MAF: variants seen among roughly 807,000 people sequenced by gnomAD.
The protein encoded by MAF is MAF bZIP transcription factor.
MAF carries 10 observed loss-of-function variants against 22.0 expected under a neutral mutation model. The observed-to-expected ratio is 0.45, with a 90% CI of 0.28 to 0.77. The LOEUF is 0.77. Among genes scored for constraint, MAF ranks in the 30% least tolerant of loss-of-function variants. The pLI, the probability that MAF is intolerant of heterozygous loss-of-function variation, is 0.12. For synonymous variants in MAF, 337 were observed against 255.8 expected, an observed-to-expected ratio of 1.32 and a Z score of -3.03; for missense variants, 544 against 548.4, an observed-to-expected ratio of 0.99 and a Z score of 0.08.
chr16:79,307,901 G>C, the MAF span, among the ~76,000 whole-genome samples: 1 of 152,170 alleles, frequency 6.6e-6, no homozygotes. Context: ...CCAGGAAGCA[G>C]TTCCTCTACA....
At chr16:79,577,338 G>C in the MAF span, among the ~76,000 whole-genome samples, 3 of 152,272 alleles carry the variant, frequency 2.0e-5, no homozygotes, top group East Asian at 5.8e-4. Context: ...AACTAAGGAG[G>C]AATGAGGGAA....
chr16:79,249,632 C>A, the MAF span, among the ~76,000 whole-genome samples: 7 of 152,100 alleles, frequency 4.6e-5, no homozygotes, highest in Non-Finnish European at 7.4e-5. Flanking sequence ...TTTGTTCTAG[C>A]AGTCTGAACA....
intron 1 of MAF, chr16:79,595,685 T>C (rs1913476738): frequency 6.6e-6 from 7 of 1,057,548 alleles, no homozygotes; most frequent in Non-Finnish European, 8.0e-6. Context: ...TTGGGGTAAA[T>C]ACCAGTAAAT....
chr16:79,513,025 G>A, the MAF span, among the ~76,000 whole-genome samples: 2 of 152,248 alleles, frequency 1.3e-5, no homozygotes, highest in Non-Finnish European at 2.9e-5. Flanking sequence ...CAGAGGGAGT[G>A]CCTTTTCACC....
chr16:79,522,553 C>G, the MAF span, among the ~76,000 whole-genome samples: 1 of 152,186 alleles, frequency 6.6e-6, no homozygotes, highest in East Asian at 1.9e-4. Context: ...ATGTCAACAG[C>G]CTTCCTAATT....
the MAF span, among the ~76,000 whole-genome samples, chr16:79,346,803 G>A: frequency 1.3e-5 from 2 of 152,160 alleles, no homozygotes; most frequent in African/African-American, 4.8e-5. Context: ...GCACATTTCT[G>A]ATGTTTAAAT....
the MAF span, chr16:79,212,732 AGAAAAGAAATCTAGAG>A: frequency 2.0e-5 from 3 of 151,082 alleles, no homozygotes; most frequent in African/African-American, 7.2e-5. Flanking sequence ...TTCATTTTTT[AGAAAAGAAATCTAGAG>A]GAAAAATAAA....
chr16:79,539,727 C>T, the MAF span, among the ~76,000 whole-genome samples: 1 of 152,120 alleles, frequency 6.6e-6, no homozygotes, highest in African/African-American at 2.4e-5. Flanking sequence ...TAATATTCTG[C>T]AGCTTTGGAT....
At chr16:79,560,053 G>A in the MAF span, among the ~76,000 whole-genome samples, 2 of 152,054 alleles carry the variant, frequency 1.3e-5, no homozygotes, top group African/African-American at 4.8e-5. Flanking sequence ...TACAGGCATG[G>A]GCCACCATGT....
At chr16:79,379,578 T>C in the MAF span, among the ~76,000 whole-genome samples, 8 of 152,000 alleles carry the variant, frequency 5.3e-5, no homozygotes, top group African/African-American at 1.9e-4. Context: ...TCAAGTCAGG[T>C]AATTCTATAT....
the MAF span, among the ~76,000 whole-genome samples, chr16:79,425,316 G>C: frequency 6.6e-6 from 1 of 151,988 alleles, no homozygotes; most frequent in Non-Finnish European, 1.5e-5. Flanking sequence ...TTTTTAAAAT[G>C]AAATTCCCTT....
the MAF span, among the ~76,000 whole-genome samples, chr16:79,210,858 G>T: frequency 6.6e-6 from 1 of 152,176 alleles, no homozygotes; most frequent in African/African-American, 2.4e-5. Flanking sequence ...GAATGAAAGT[G>T]ATCAGCTGCA....
chr16:79,486,214 T>C, the MAF span, among the ~76,000 whole-genome samples: 1 of 152,176 alleles, frequency 6.6e-6, no homozygotes, highest in African/African-American at 2.4e-5. Flanking sequence ...AATATAGTGA[T>C]AGGCAAGAGA....
chr16:79,240,247 GA>G, the MAF span, among the ~76,000 whole-genome samples: 22 of 150,816 alleles, frequency 1.5e-4, no homozygotes, highest in Admixed American at 8.0e-4. Context: ...GTTTTTGAAT[GA>G]AAAAAAATTG....
At chr16:79,402,534 G>T in the MAF span, among the ~76,000 whole-genome samples, 1 of 152,222 alleles carries the variant, frequency 6.6e-6, no homozygotes, top group African/African-American at 2.4e-5. Flanking sequence ...ACGGGGGAGA[G>T]GTGGGGCGCT....
At chr16:79,420,830 G>A in the MAF span, among the ~76,000 whole-genome samples, 3 of 152,268 alleles carry the variant, frequency 2.0e-5, no homozygotes, top group East Asian at 5.8e-4. Context: ...AGGAGTTCAA[G>A]ACCAGCCTGT....
the MAF span, among the ~76,000 whole-genome samples, chr16:79,420,011 T>TC: frequency 1.3e-5 from 2 of 151,900 alleles, no homozygotes; most frequent in South Asian, 4.2e-4. Context: ...ACGGTTTTTT[T>TC]TTTTCTTTCT....
the MAF span, among the ~76,000 whole-genome samples, chr16:79,234,740 C>T: frequency 1.3e-5 from 2 of 152,100 alleles, 1 homozygote; most frequent in Non-Finnish European, 2.9e-5. Context: ...CCACCCCCAG[C>T]TGTGGACCCA....
chr16:79,367,123 A>G, the MAF span, among the ~76,000 whole-genome samples: 1 of 152,246 alleles, frequency 6.6e-6, no homozygotes, highest in East Asian at 1.9e-4. Flanking sequence ...TGCAAAGATG[A>G]GCCATATACA....
Sources: allele counts gnomAD v4.1 joint callset (sites outside exome capture counted in the v4.1 genomes callset), GRCh38; gene constraint gnomAD v4.1.1; transcripts MANE v1.5; gene names NCBI Gene and HGNC (gene_info 2026-07-23, HGNC 2026-07-21).